Variants in APLF observed in about 807,000 individuals in gnomAD.
The protein encoded by APLF is aprataxin and PNK-like factor.
Under a neutral mutation model 55.6 loss-of-function variants are expected in APLF, and 61 were observed. The ratio of observed to expected loss-of-function variants is 1.10; its 90% CI spans 0.89 to 1.36. APLF has a LOEUF of 1.36. Ranked by LOEUF, APLF falls within the 40% of genes most tolerant of loss-of-function variation. APLF has a pLI of 0.00. For missense variants in APLF, 611 were observed against 602.5 expected (o/e 1.01, Z -0.15); for synonymous variants, 207 against 214.8 (o/e 0.96, Z 0.32).
chr2:68,569,100 A>T (rs56746004), intron 9 of APLF, among the ~76,000 whole-genome samples: 11,754 of 152,044 alleles, frequency 0.077, 1,306 homozygotes, highest in African/African-American at 0.24. Context: ...AGTACCCCCA[A>T]ATGTTAATCT....
At chr2:68,519,914 C>T (rs1323232224) in intron 5 of APLF, among the ~76,000 whole-genome samples, 1 of 151,774 alleles carries the variant, frequency 6.6e-6, no homozygotes, top group Non-Finnish European at 1.5e-5. Flanking sequence ...AGTGGTTGTT[C>T]TATTTTACAT....
intron 9 of APLF, among the ~76,000 whole-genome samples, chr2:68,570,950 A>G (rs1168099215): frequency 6.6e-6 from 1 of 152,174 alleles, no homozygotes; most frequent in Non-Finnish European, 1.5e-5. Context: ...TATCCTCTCC[A>G]GCACCTGTTG....
chr2:68,527,638 G>A (rs187199749), intron 6 of APLF, among the ~76,000 whole-genome samples: 27 of 150,884 alleles, frequency 1.8e-4, no homozygotes, highest in African/African-American at 4.9e-5. Context: ...GGGCAGAGGC[G>A]CTCCTCACTT....
intron 2 of APLF, among the ~76,000 whole-genome samples, chr2:68,497,327 G>T (rs1676578355): frequency 6.6e-6 from 1 of 152,148 alleles, no homozygotes; most frequent in Non-Finnish European, 1.5e-5. Flanking sequence ...TCCAGTGTTG[G>T]AGGAGTGGCC....
intron 3 of APLF, among the ~76,000 whole-genome samples, chr2:68,507,241 A>G (rs1000401340): frequency 4.6e-5 from 7 of 151,906 alleles, no homozygotes; most frequent in Admixed American, 1.3e-4. Context: ...AAAAAAGCTT[A>G]TATGCTTTGT....
intron 1 of APLF, among the ~76,000 whole-genome samples, chr2:68,488,374 A>G (rs1321204075): frequency 7.2e-6 from 1 of 138,428 alleles, no homozygotes; most frequent in Non-Finnish European, 1.5e-5. Flanking sequence ...CGTGTCCCCC[A>G]GGCTGGCATG....
At chr2:68,499,074 T>G (rs561051506) in intron 2 of APLF, among the ~76,000 whole-genome samples, 4 of 152,220 alleles carry the variant, frequency 2.6e-5, no homozygotes, top group Admixed American at 6.5e-5. Context: ...AGGTGCTTTT[T>G]GGGGGTATAC....
chr2:68,515,493 A>G, intron 5 of APLF: 1 of 791,628 alleles, frequency 1.3e-6, no homozygotes, highest in East Asian at 1.3e-4. Context: ...TTCTTTCAGA[A>G]TTGTTTTGTA....
At chr2:68,469,659 C>A (rs1675557748) in intron 1 of APLF, among the ~76,000 whole-genome samples, 1 of 152,148 alleles carries the variant, frequency 6.6e-6, no homozygotes, top group South Asian at 2.1e-4. Context: ...GATTTTGGAG[C>A]TGACAGATGC....
At chr2:68,514,617 A>G (rs902307406) in intron 5 of APLF, among the ~76,000 whole-genome samples, 1 of 151,676 alleles carries the variant, frequency 6.6e-6, no homozygotes, top group African/African-American at 2.4e-5. Context: ...GTTTTTATGT[A>G]GGTTTTTGCT....
chr2:68,504,437 ATTAC>A (rs1462153202), intron 3 of APLF, among the ~76,000 whole-genome samples: 1 of 151,936 alleles, frequency 6.6e-6, no homozygotes, highest in African/African-American at 2.4e-5. Flanking sequence ...ATAATACTCT[ATTAC>A]CAAGTGGGGC....
rs534459557 is a variant in APLF at position 68,519,198 on chromosome 2, TATAA to T, written c.622+5522_622+5525del. ...CCAATGTGACTATATATTTATAATA[TATAA>T]ATATATATTATCTATATTTATTACA... is the stretch of plus-strand genomic sequence containing the variant. On this transcript the variant is annotated intron_variant, in intron 5 of 9. Coordinates refer to ENST00000303795, the MANE Select transcript of APLF (RefSeq NM_173545.3). 1.5e-3 allele frequency among the ~76,000 whole-genome samples: 216 copies of T among 139,582 alleles called. 5 individuals carry two copies. In the East Asian group the frequency reaches 0.036, roughly 23 times the overall value. The allele number at this position is 139,582 out of a possible 152,430, so 91.6% of individuals were successfully genotyped here. A position where few individuals can be genotyped will look rare whatever the true frequency, so the allele number is the denominator to read the frequency against.
At chr2:68,542,011 A>G (rs1201687388) in intron 7 of APLF, among the ~76,000 whole-genome samples, 3 of 152,220 alleles carry the variant, frequency 2.0e-5, no homozygotes, top group South Asian at 2.1e-4. Flanking sequence ...ATAATTTTCA[A>G]CAATGGTCTC....
At chr2:68,485,744 A>G (rs1378396528) in intron 1 of APLF, among the ~76,000 whole-genome samples, 1 of 151,562 alleles carries the variant, frequency 6.6e-6, no homozygotes, top group Non-Finnish European at 1.5e-5. Context: ...CTCTGATAAT[A>G]CTGGAATACA....
In APLF at chr2:68,513,123, C is replaced by A. The variant is rs747383535; in HGVS notation, c.385C>A (p.Pro129Thr). 1.4e-5 allele frequency: 22 copies of A among 1,610,792 alleles called. No individual in the cohort carries two copies. The highest frequency in any genetic ancestry group is 1.8e-5 in the Non-Finnish European group (21 of 1,178,048). The change falls in exon 4 of 10, where the codon CCA becomes ACA. Residue 129 changes from proline to threonine, a missense_variant. Transcript: ENST00000303795. ...LDEDNILNETPKSPVINLPHE... is the reference protein window; with the variant it reads ...LDEDNILNETTKSPVINLPHE... ...TGAAGATAATATATTGAATGAAACA[C>A]CAAAATCCCCCGTGATTAATTTACC... is the stretch of plus-strand genomic sequence containing the variant.
intron 2 of APLF, among the ~76,000 whole-genome samples, chr2:68,499,287 A>G (rs1441877774): frequency 6.6e-6 from 1 of 152,198 alleles, no homozygotes; most frequent in East Asian, 1.9e-4. Context: ...GTAGGTAGTT[A>G]TATCTTTTAA....
At position 68,513,206 on chromosome 2, in the gene APLF, G is replaced by A; in HGVS notation, c.468G>A (p.Gln156=). The part of the protein sequence containing the change: ...LEGSTEIAKT[Q]MTPTNSVSFL... ...GAAGCACAGAAATAGCCAAGACCCA[G>A]ATGACTCCCACAAATAGTGTGGTGA... The change falls in exon 4 of 10, where the codon CAG becomes CAA. Residue 156 remains glutamine, a synonymous_variant. Transcript: ENST00000303795. The A allele has an allele frequency of 6.2e-7, 1 of 1,608,334 alleles. No individual in the cohort carries two copies. Among genetic ancestry groups the A allele is most frequent in the Non-Finnish European group, 8.5e-7 (1 of 1,177,498 alleles).
In APLF at chr2:68,537,971, G is replaced by C; in HGVS notation, c.904G>C (p.Gly302Arg). Residue 302 changes from glycine (G) to arginine (R), a missense_variant, in exon 7 of 10, where the codon GGT becomes CGT. Gly to Arg is a moderately radical substitution (Grantham distance 125). Transcript: ENST00000303795. ...QRNKLPIEEL[G>R]KVSKHKIATK... is the part of the protein sequence containing the mutation. ...AAACAAACTTCCAATAGAGGAACTT[G>C]GTAAAGTTTCTAAACATAAAATTGC... 6.2e-7 allele frequency: 1 copy of C among 1,613,610 alleles called. No homozygotes were observed.
At chr2:68,548,254 C>G (rs1274061949) in intron 8 of APLF, among the ~76,000 whole-genome samples, 1 of 151,762 alleles carries the variant, frequency 6.6e-6, no homozygotes, top group Non-Finnish European at 1.5e-5. Context: ...TATTTGACTA[C>G]ATTAAAAGTA....
Sources: allele counts gnomAD v4.1 joint callset (sites outside exome capture counted in the v4.1 genomes callset), GRCh38; gene constraint gnomAD v4.1.1; transcripts MANE v1.5; gene names NCBI Gene and HGNC (gene_info 2026-07-23, HGNC 2026-07-21).